UBE2V2: variants seen among roughly 807,000 people sequenced by gnomAD.
UBE2V2 encodes ubiquitin conjugating enzyme E2 V2.
Under a neutral mutation model 17.2 loss-of-function variants are expected in UBE2V2, and 9 were observed. The ratio of observed to expected loss-of-function variants is 0.52; its 90% CI spans 0.32 to 0.91. The LOEUF is 0.91. UBE2V2 is among the 40% of genes least tolerant of loss of function. UBE2V2 has a pLI of 0.04. For missense variants in UBE2V2, 133 were observed against 182.6 expected, an observed-to-expected ratio of 0.73 and a Z score of 1.56; for synonymous variants, 61 against 57.5, an observed-to-expected ratio of 1.06 and a Z score of -0.28.
At chr8:48,051,448 T>G (rs1585443719) in intron 3 of UBE2V2, among the ~76,000 whole-genome samples, 1 of 152,174 alleles carries the variant, frequency 6.6e-6, no homozygotes, top group East Asian at 1.9e-4. Flanking sequence ...TACAAATGTA[T>G]CACATATGTA....
At chr8:48,011,788 C>T (rs912834711) in intron 1 of UBE2V2, among the ~76,000 whole-genome samples, 1 of 152,058 alleles carries the variant, frequency 6.6e-6, no homozygotes, top group Non-Finnish European at 1.5e-5. Context: ...CGAGTAGCTG[C>T]GAACACAGGC....
intron 1 of UBE2V2, among the ~76,000 whole-genome samples, chr8:48,018,757 TCTC>T (rs899680295): frequency 2.0e-5 from 3 of 152,166 alleles, no homozygotes; most frequent in South Asian, 2.1e-4. Context: ...GGTGTGAAAA[TCTC>T]CTACTGTTAC....
intron 1 of UBE2V2, among the ~76,000 whole-genome samples, chr8:48,030,676 G>A (rs1000068058): frequency 2.6e-5 from 4 of 151,994 alleles, no homozygotes; most frequent in African/African-American, 9.7e-5. Context: ...AGTTGAGATC[G>A]TGTACTCCAG....
At chr8:48,053,042 GACT>G (rs1375637235) in intron 3 of UBE2V2, among the ~76,000 whole-genome samples, 1 of 152,162 alleles carries the variant, frequency 6.6e-6, no homozygotes, top group Non-Finnish European at 1.5e-5. Context: ...AAGTAGCTGG[GACT>G]ACAAGTGTGT....
the UBE2V2 span, among the ~76,000 whole-genome samples, chr8:48,003,276 A>C: frequency 3.9e-5 from 6 of 152,118 alleles, no homozygotes; most frequent in African/African-American, 1.4e-4. Context: ...ATTGCTCTAG[A>C]AGCTGCTGGC....
chr8:48,005,210 T>A (rs1383068987), upstream of UBE2V2, among the ~76,000 whole-genome samples: 1 of 151,486 alleles, frequency 6.6e-6, no homozygotes, highest in Non-Finnish European at 1.5e-5. Context: ...GATGTTCCCC[T>A]CCCTGTGTCC....
At chr8:48,003,175 A>G in the UBE2V2 span, among the ~76,000 whole-genome samples, 1 of 151,314 alleles carries the variant, frequency 6.6e-6, no homozygotes. Flanking sequence ...GCGCCACTGC[A>G]CTACAGCCTG....
chr8:48,053,756 A>T (rs1017703556), intron 3 of UBE2V2, among the ~76,000 whole-genome samples: 2 of 150,064 alleles, frequency 1.3e-5, no homozygotes, highest in African/African-American at 2.4e-5. Context: ...CAAAGACTAC[A>T]TTATAAATAG....
intron 1 of UBE2V2, among the ~76,000 whole-genome samples, chr8:48,041,450 A>T (rs903658960): frequency 2.6e-5 from 4 of 152,110 alleles, no homozygotes; most frequent in Non-Finnish European, 4.4e-5. Context: ...ACTCTGTCTC[A>T]CACACACAAA....
intron 2 of UBE2V2, among the ~76,000 whole-genome samples, chr8:48,047,995 G>T (rs199898096): frequency 2.9e-5 from 4 of 139,568 alleles, no homozygotes; most frequent in East Asian, 2.1e-4. Flanking sequence ...AGAGCTTTGG[G>T]TTTTTTTTTT....
At chr8:48,041,341 G>T (rs2091463407) in intron 1 of UBE2V2, among the ~76,000 whole-genome samples, 1 of 151,962 alleles carries the variant, frequency 6.6e-6, no homozygotes, top group African/African-American at 2.4e-5. Context: ...AATTAGCCGG[G>T]CATGGTGTTG....
At chr8:48,012,244 A>G (rs2091237780) in intron 1 of UBE2V2, among the ~76,000 whole-genome samples, 1 of 152,176 alleles carries the variant, frequency 6.6e-6, no homozygotes, top group Non-Finnish European at 1.5e-5. Context: ...AGGGGAACGT[A>G]GCCCTCACCA....
chr8:48,047,309 A>G (rs188873512), intron 2 of UBE2V2, among the ~76,000 whole-genome samples: 8 of 152,042 alleles, frequency 5.3e-5, no homozygotes, highest in Admixed American at 1.3e-4. Flanking sequence ...TTGTTTTTCT[A>G]TGTTTTTGTG....
At chr8:47,999,104 G>T in the UBE2V2 span, among the ~76,000 whole-genome samples, 3 of 152,254 alleles carry the variant, frequency 2.0e-5, no homozygotes, top group Admixed American at 6.5e-5. Flanking sequence ...AGTGAAAGTC[G>T]GCTGGCTTCA....
the UBE2V2 span, among the ~76,000 whole-genome samples, chr8:47,999,049 G>C: frequency 6.6e-6 from 1 of 152,196 alleles, no homozygotes; most frequent in Non-Finnish European, 1.5e-5. Flanking sequence ...TATGCGGTCT[G>C]AGTGGTTTGT....
upstream of UBE2V2, among the ~76,000 whole-genome samples, chr8:48,007,573 T>TC (rs1322001266): frequency 6.6e-6 from 1 of 151,430 alleles, no homozygotes; most frequent in East Asian, 1.9e-4. Context: ...AAAATCTTTT[T>TC]TTTTTTTTTT....
At chr8:48,047,236 C>T (rs1297627207) in intron 2 of UBE2V2, among the ~76,000 whole-genome samples, 1 of 152,126 alleles carries the variant, frequency 6.6e-6, no homozygotes, top group Non-Finnish European at 1.5e-5. Flanking sequence ...CCACCATGTC[C>T]AGCCAGATCC....
chr8:48,052,917 T>G (rs561405243), intron 3 of UBE2V2, among the ~76,000 whole-genome samples: 30 of 152,192 alleles, frequency 2.0e-4, no homozygotes, highest in Non-Finnish European at 3.7e-4. Context: ...TTCCACTTTC[T>G]TTTTTATTGA....
intron 1 of UBE2V2, among the ~76,000 whole-genome samples, chr8:48,021,694 C>CT (rs879331983): frequency 4.0e-4 from 56 of 140,922 alleles, no homozygotes; most frequent in East Asian, 8.6e-4. Flanking sequence ...GCCTGGCTCT[C>CT]TTTTTTTTTT....
Sources: gnomAD v4.1 joint callset for allele counts (sites outside exome capture counted in the v4.1 genomes callset) on GRCh38, gnomAD v4.1.1 for gene constraint, MANE v1.5 for transcripts, NCBI Gene and HGNC (gene_info 2026-07-23, HGNC 2026-07-21) for gene names.